ATP13A4: variants seen among roughly 807,000 people sequenced by gnomAD.
ATP13A4 encodes ATPase 13A4, also known as probable cation-transporting ATPase 13A4.
Under a neutral mutation model 142.5 loss-of-function variants are expected in ATP13A4, and 114 were observed. The ratio of observed to expected loss-of-function variants is 0.80; its 90% confidence interval spans 0.69 to 0.93. ATP13A4 has a LOEUF of 0.93. Ranked by LOEUF, ATP13A4 falls within the 40% of genes least tolerant of loss-of-function variation. The probability of loss-of-function intolerance (pLI) is 0.00; values close to 1 mark genes in which losing one functional copy is unlikely to be tolerated. For synonymous variants in ATP13A4, 488 were observed against 514.8 expected (o/e 0.95, Z 0.70); for missense variants, 1,392 against 1,454.0 (o/e 0.96, Z 0.69).
chr3:193,507,387 C>T (rs1260772692), intron 2 of ATP13A4, among the ~76,000 whole-genome samples: 1 of 152,030 alleles, frequency 6.6e-6, no homozygotes, highest in Non-Finnish European at 1.5e-5. Context: ...CTCTTAACAT[C>T]CCGACCTCAT....
At chr3:193,411,855 T>C (rs1714781429) in intron 27 of ATP13A4, among the ~76,000 whole-genome samples, 1 of 152,222 alleles carries the variant, frequency 6.6e-6, no homozygotes. Context: ...TCTCCACTGT[T>C]TCCAGGGTGA....
intron 29 of ATP13A4, among the ~76,000 whole-genome samples, chr3:193,405,735 G>A (rs1326272526): frequency 1.3e-5 from 2 of 152,048 alleles, no homozygotes; most frequent in African/African-American, 4.8e-5. Context: ...TTAAGCCACT[G>A]TTAGTTAAGT....
At chr3:193,527,619 A>G (rs1411193505) in intron 1 of ATP13A4, among the ~76,000 whole-genome samples, 1 of 151,578 alleles carries the variant, frequency 6.6e-6, no homozygotes, top group Admixed American at 6.6e-5. Flanking sequence ...CTAAAAAAAA[A>G]AAAAAAAGGG....
intron 25 of ATP13A4, among the ~76,000 whole-genome samples, chr3:193,433,244 A>G (rs998453153): frequency 2.0e-5 from 3 of 152,204 alleles, no homozygotes; most frequent in African/African-American, 7.2e-5. Flanking sequence ...GAGGCTATGT[A>G]TGTGTTTGGG....
At chr3:193,495,063 A>G (rs1720150512) in intron 3 of ATP13A4, among the ~76,000 whole-genome samples, 1 of 152,090 alleles carries the variant, frequency 6.6e-6, no homozygotes, top group Non-Finnish European at 1.5e-5. Context: ...AAGAAATACA[A>G]AATGTGAACA....
intron 25 of ATP13A4, among the ~76,000 whole-genome samples, chr3:193,416,630 G>T (rs1295346094): frequency 1.3e-5 from 2 of 151,926 alleles, no homozygotes; most frequent in Non-Finnish European, 2.9e-5. Context: ...GCAGAAGAAA[G>T]AATCAGTGAA....
rs773394340 is a variant in ATP13A4 at position 193,466,082 on chromosome 3, A to G, written c.1215T>C (p.Leu405=). 6.2e-7 allele frequency: 1 copy of G among 1,614,140 alleles called. No individual in the cohort carries two copies. The highest frequency in any genetic ancestry group is 1.1e-5 in the South Asian group (1 of 91,078). ...YRDAIRFLLC[L]VGTATIGMIY... is the part of the protein sequence containing the mutation. ...TCATCCCAATGGTGGCTGTTCCTAC[A>G]AGGCACAGGAGGAACCTGATGGCAT... The change falls in exon 11 of 30, where the codon CTT becomes CTC. Residue 405 remains leucine, a synonymous_variant. Coordinates refer to ENST00000342695, the MANE Select transcript of ATP13A4 (RefSeq NM_032279.4).
At chr3:193,589,360 T>C (rs1724723320) in intron 1 of ATP13A4, among the ~76,000 whole-genome samples, 1 of 152,172 alleles carries the variant, frequency 6.6e-6, no homozygotes, top group South Asian at 2.1e-4. Flanking sequence ...AGCTAATTAT[T>C]GGCTTCTCCA....
intron 8 of ATP13A4, among the ~76,000 whole-genome samples, chr3:193,479,375 G>C (rs1267654778): frequency 3.3e-5 from 5 of 151,946 alleles, no homozygotes; most frequent in South Asian, 2.1e-4. Flanking sequence ...AACCCTAAAG[G>C]CTCATCCAAA....
intron 1 of ATP13A4, among the ~76,000 whole-genome samples, chr3:193,551,408 T>C (rs967173728): frequency 6.6e-6 from 1 of 151,800 alleles, no homozygotes; most frequent in Non-Finnish European, 1.5e-5. Flanking sequence ...CAAGACTCCG[T>C]GTAACAAAAA....
At chr3:193,481,736 C>A (rs1327923793) in intron 8 of ATP13A4, among the ~76,000 whole-genome samples, 2 of 152,032 alleles carry the variant, frequency 1.3e-5, no homozygotes, top group African/African-American at 4.8e-5. Context: ...AGGAAGCAAC[C>A]CCAGGTTATG....
chr3:193,523,807 G>A (rs1443514382), intron 1 of ATP13A4, among the ~76,000 whole-genome samples: 1 of 152,186 alleles, frequency 6.6e-6, no homozygotes, highest in Non-Finnish European at 1.5e-5. Flanking sequence ...TGTGTTGGGA[G>A]GTGGAATCTA....
At chr3:193,568,408 C>T (rs1724188806) in intron 2 of ATP13A4, among the ~76,000 whole-genome samples, 2 of 152,178 alleles carry the variant, frequency 1.3e-5, no homozygotes, top group Admixed American at 1.3e-4. Flanking sequence ...ACTTCTCTTC[C>T]ACTTTAGCCA....
At chr3:193,489,965 C>T in intron 6 of ATP13A4, 101 bp from the exon 7 acceptor site, 1 of 1,267,656 alleles carries the variant, frequency 7.9e-7, no homozygotes, top group Non-Finnish European at 1.1e-6. Flanking sequence ...CATACATCAT[C>T]CCACACAATA....
In ATP13A4 at chr3:193,403,413, T is replaced by C. The variant is rs1421828933; in HGVS notation, c.3379-549A>G. On this transcript the variant is annotated intron_variant, in intron 29 of 29. Coordinates refer to ENST00000342695, the MANE Select transcript of ATP13A4 (RefSeq NM_032279.4). Reference sequence around the variant, plus strand: ...TGACACCTATTATGGGCAAATTAGTTACTCTATCCATGTCTCCGTGATTAG... The same window carrying C: ...TGACACCTATTATGGGCAAATTAGTCACTCTATCCATGTCTCCGTGATTAG... Among the ~76,000 whole-genome samples, 3 of 152,214 alleles carry C rather than the reference T, an allele frequency of 2.0e-5. No individual in the cohort carries two copies. The South Asian group carries it at 6.2e-4, about 32-fold the overall frequency.
At chr3:193,568,225 T>C (rs1724183281) in intron 2 of ATP13A4, among the ~76,000 whole-genome samples, 1 of 152,134 alleles carries the variant, frequency 6.6e-6, no homozygotes, top group African/African-American at 2.4e-5. Flanking sequence ...ACTCCCAAAG[T>C]GCTGGGATTA....
intron 29 of ATP13A4, among the ~76,000 whole-genome samples, chr3:193,404,973 A>C (rs1209288830): frequency 6.6e-6 from 1 of 152,198 alleles, no homozygotes; most frequent in Non-Finnish European, 1.5e-5. Context: ...AATTAAAGCT[A>C]TCCACACTAC....
At chr3:193,445,483 G>T (rs773730820) in intron 18 of ATP13A4, among the ~76,000 whole-genome samples, 1 of 151,714 alleles carries the variant, frequency 6.6e-6, no homozygotes, top group Admixed American at 6.6e-5. Flanking sequence ...CTGGCTGGGC[G>T]TGGGGACTCA....
At chr3:193,510,436 A>G (rs1242555114) in intron 2 of ATP13A4, among the ~76,000 whole-genome samples, 2 of 152,140 alleles carry the variant, frequency 1.3e-5, no homozygotes, top group Non-Finnish European at 2.9e-5. Flanking sequence ...AATGAGGGGG[A>G]AAATGTGTTT....
Sources: gnomAD v4.1 joint callset for allele counts (sites outside exome capture counted in the v4.1 genomes callset) on GRCh38, gnomAD v4.1.1 for gene constraint, MANE v1.5 for transcripts, NCBI Gene and HGNC (gene_info 2026-07-23, HGNC 2026-07-21) for gene names.